The following RBFOX1 variants were observed in gnomAD, a reference collection of about 807,000 sequenced individuals.
The protein encoded by RBFOX1 is RNA binding protein fox-1 homolog 1.
In RBFOX1, 8 loss-of-function variants were observed where a neutral mutation model predicts 57.7. The ratio of observed to expected loss-of-function variants is 0.14; its 90% CI spans 0.08 to 0.25. RBFOX1 has a LOEUF of 0.25. Ranked by LOEUF, RBFOX1 falls within the 10% of genes least tolerant of loss-of-function variation. The pLI is 1.00. For synonymous variants in RBFOX1, 326 were observed against 222.4 expected, an observed-to-expected ratio of 1.47 and a Z score of -4.15; for missense variants, 611 against 548.5, an observed-to-expected ratio of 1.11 and a Z score of -1.14.
chr16:6,266,239 C>A (rs924422513), intron 1 of RBFOX1, among the ~76,000 whole-genome samples: 8 of 152,146 alleles, frequency 5.3e-5, no homozygotes, highest in Non-Finnish European at 7.3e-5. Context: ...TAAAAGACAG[C>A]CAACACATAG....
chr16:6,379,273 C>G (rs573816222), intron 2 of RBFOX1, among the ~76,000 whole-genome samples: 1 of 152,218 alleles, frequency 6.6e-6, no homozygotes, highest in African/African-American at 2.4e-5. Context: ...AAAACCATGA[C>G]AGTGAAAGGT....
chr16:6,303,259 C>T lies in RBFOX1; in HGVS notation c.-126-13736C>T, dbSNP rs185878917. ...GTTCCGATCACTTCAGTGCCATTTT[C>T]GTTCTGAGACATCTTCCCGGGTCTG... On this transcript the variant is annotated intron_variant, in intron 1 of 15. Coordinates refer to ENST00000550418, the MANE Select transcript of RBFOX1 (RefSeq NM_018723.4). 7.2e-5 allele frequency among the ~76,000 whole-genome samples: 11 copies of T among 152,170 alleles called. No individual in the cohort carries two copies. The East Asian group carries it at 1.4e-3, about 19-fold the overall frequency.
chr16:5,324,164 T>C (rs1159413198), intron 1 of RBFOX1, among the ~76,000 whole-genome samples: 1 of 152,160 alleles, frequency 6.6e-6, no homozygotes, highest in East Asian at 1.9e-4. Flanking sequence ...TGGAAGCTCC[T>C]TGGAAATAGA....
Position 5,564,186 on chromosome 16 carries a change from A to AT in RBFOX1, c.259-34705dup, listed in dbSNP as rs879803744. 8.4e-4 allele frequency among the ~76,000 whole-genome samples: 123 copies of AT among 145,996 alleles called. 1 individual carries two copies. Among genetic ancestry groups the AT allele is most frequent in the South Asian group, 1.7e-3 (8 of 4,576 alleles). Reference sequence around the variant, plus strand: ...ACCACCATGCCTGGCTAATTTTTGTATTTTTTTTTTTAGTAGGGACAGGGT... The same window carrying AT: ...ACCACCATGCCTGGCTAATTTTTGTATTTTTTTTTTTTAGTAGGGACAGGGT... On this transcript the variant is annotated intron_variant, in intron 2 of 2. Coordinates refer to the RBFOX1 transcript ENST00000585867.
At chr16:6,771,002 G>A (rs1210414713) in intron 3 of RBFOX1, among the ~76,000 whole-genome samples, 1 of 152,122 alleles carries the variant, frequency 6.6e-6, no homozygotes, top group South Asian at 2.1e-4. Flanking sequence ...CTCAGAATGT[G>A]AGTCTGTTTG....
chr16:7,015,964 T>C (rs773247252), intron 3 of RBFOX1, among the ~76,000 whole-genome samples: 9 of 152,168 alleles, frequency 5.9e-5, no homozygotes, highest in Non-Finnish European at 1.3e-4. Flanking sequence ...TTACCCATTA[T>C]TTGGTGTGAT....
rs1326913744 is a variant in RBFOX1 at position 5,240,004 on chromosome 16, G to C, written c.118G>C (p.Glu40Gln). ...AGAGAAGAGGCTGCGGCTGGGGCTG[G>C]AGGGGGGAAGCGCACAGCCCGAGGA... Residue 40 changes from glutamate (E) to glutamine (Q), a missense_variant, in exon 1 of 3, where the codon GAG becomes CAG. Transcript: ENST00000585867. 4 of 1,531,304 alleles carry C rather than the reference G, an allele frequency of 2.6e-6. No individual in the cohort carries two copies. In the Admixed American group the frequency reaches 5.9e-5, roughly 23 times the overall value. The allele number at this position is 1,531,304 out of a possible 1,614,324, so 94.9% of individuals were successfully genotyped here. A position where few individuals can be genotyped will look rare whatever the true frequency, so the allele number is the denominator to read the frequency against.
At chr16:7,469,385 C>T (rs1388057504) in intron 4 of RBFOX1, among the ~76,000 whole-genome samples, 1 of 152,082 alleles carries the variant, frequency 6.6e-6, no homozygotes, top group Non-Finnish European at 1.5e-5. Context: ...TTTTTAATTC[C>T]TAAACCTATG....
chr16:7,684,949 A>G (rs2058187), intron 14 of RBFOX1, among the ~76,000 whole-genome samples: 146,728 of 152,130 alleles, frequency 0.96, 70,978 homozygotes, highest in East Asian at 1. Context: ...GGGGAAAAGG[A>G]GGATTAACTT....
chr16:6,906,239 A>C (rs1187609017), intron 3 of RBFOX1, among the ~76,000 whole-genome samples: 2 of 149,640 alleles, frequency 1.3e-5, no homozygotes, highest in African/African-American at 2.5e-5. Flanking sequence ...GCAATTTATT[A>C]CCCCCCCCCA....
chr16:7,386,579 T>C (rs1322234107), intron 4 of RBFOX1, among the ~76,000 whole-genome samples: 9 of 152,220 alleles, frequency 5.9e-5, no homozygotes, highest in African/African-American at 9.6e-5. Context: ...GGCTGCATAG[T>C]ATTCCATGGT....
At chr16:6,028,687 A>G (rs2095242699) in intron 1 of RBFOX1, among the ~76,000 whole-genome samples, 1 of 152,136 alleles carries the variant, frequency 6.6e-6, no homozygotes, top group African/African-American at 2.4e-5. Context: ...TCTGTAAAAA[A>G]AAAGAACATG....
intron 4 of RBFOX1, among the ~76,000 whole-genome samples, chr16:5,965,962 A>G (rs2059835332): frequency 6.6e-6 from 1 of 152,094 alleles, no homozygotes; most frequent in Non-Finnish European, 1.5e-5. Flanking sequence ...TGGCTGTGAA[A>G]TGTTTCGGCC....
chr16:7,429,504 T>G (rs968250137), intron 4 of RBFOX1, among the ~76,000 whole-genome samples: 11 of 152,202 alleles, frequency 7.2e-5, no homozygotes, highest in African/African-American at 2.2e-4. Context: ...TGCAATGATA[T>G]TACCTTGAAT....
intron 4 of RBFOX1, among the ~76,000 whole-genome samples, chr16:7,416,724 G>C (rs2098481397): frequency 6.8e-6 from 1 of 147,756 alleles, no homozygotes; most frequent in Admixed American, 6.8e-5. Context: ...GCGACTTTAG[G>C]GATGTTTTTT....
intron 2 of RBFOX1, among the ~76,000 whole-genome samples, chr16:6,609,226 A>G (rs2097999228): frequency 6.6e-6 from 1 of 152,142 alleles, no homozygotes; most frequent in South Asian, 2.1e-4. Context: ...CACTTTATAG[A>G]TGGTTGTTGG....
At chr16:5,448,084 A>T (rs996068150) in intron 1 of RBFOX1, among the ~76,000 whole-genome samples, 1 of 152,182 alleles carries the variant, frequency 6.6e-6, no homozygotes, top group Non-Finnish European at 1.5e-5. Context: ...TTCTTAGACA[A>T]TTGGCTGGAT....
chr16:6,534,560 G>A (rs1262907643), intron 2 of RBFOX1, among the ~76,000 whole-genome samples: 1 of 152,160 alleles, frequency 6.6e-6, no homozygotes, highest in African/African-American at 2.4e-5. Context: ...AGGTGATACA[G>A]GAGCATTAAT....
chr16:7,122,639 G>C (rs1047004165), intron 4 of RBFOX1, among the ~76,000 whole-genome samples: 4 of 152,078 alleles, frequency 2.6e-5, no homozygotes, highest in African/African-American at 4.8e-5. Flanking sequence ...GAACAATGCA[G>C]ACATTCTTAA....
Sources: allele counts gnomAD v4.1 joint callset (sites outside exome capture counted in the v4.1 genomes callset), GRCh38; gene constraint gnomAD v4.1.1; transcripts MANE v1.5; gene names NCBI Gene and HGNC (gene_info 2026-07-23, HGNC 2026-07-21).